The following TTN variants were observed in gnomAD, a reference collection of about 807,000 sequenced individuals.
The protein encoded by TTN is titin.
In TTN, 1,525 loss-of-function variants were observed where a neutral mutation model predicts 3,223.0. The observed-to-expected ratio is 0.47, with a 90% CI of 0.45 to 0.49. TTN has a LOEUF of 0.49. Among genes scored for constraint, TTN ranks in the 20% least tolerant of loss-of-function variants. The pLI, the probability that TTN is intolerant of heterozygous loss-of-function variation, is 0.00. For synonymous variants in TTN, 14,094 were observed against 15,161.0 expected (o/e 0.93, Z 5.17); for missense variants, 40,786 against 43,424.0 (o/e 0.94, Z 5.40).
At position 178,614,751 on chromosome 2, in the gene TTN, C is replaced by T; in HGVS notation, c.48763G>A (p.Ala16255Thr). 1 of 1,604,934 alleles carries T rather than the reference C, an allele frequency of 6.2e-7. No individual in the cohort carries two copies. Among genetic ancestry groups the T allele is most frequent in the Middle Eastern group, 1.7e-4 (1 of 6,006 alleles). The change falls in exon 261 of 363, where the codon GCC becomes ACC. Residue 16255 changes from alanine (A) to threonine (T), a missense_variant and splice_region_variant. Physicochemically the swap from Ala to Thr is moderately conservative, Grantham distance 58. Coordinates refer to ENST00000589042, the MANE Select transcript of TTN (RefSeq NM_001267550.2). ...EEIQAVDTQE[A>T]PEIFLDVKLL... ...TTCACATCGAGGAAGATTTCTGGGG[C>T]CTCTGAATTGGAAAAGATTATTTAT...
rs757611872 is a variant in TTN at position 178,667,249 on chromosome 2, A to G, written c.35784T>C (p.His11928=). 1.2e-6 allele frequency: 2 copies of G among 1,601,736 alleles called. No individual in the cohort carries two copies. The highest frequency in any genetic ancestry group is 3.4e-5 in the Admixed American group (2 of 58,858). Reference sequence around the variant, plus strand: ...AGAGAATTATACCTTCAGTTGGAGGATGTTCTGGAATTTCAGGAATAGCCT... The same window carrying G: ...AGAGAATTATACCTTCAGTTGGAGGGTGTTCTGGAATTTCAGGAATAGCCT... ...PPEAIPEIPE[H]PPTEEFEVFK... The change falls in exon 162 of 363, where the codon CAT becomes CAC. Residue 11928 remains histidine (H), a synonymous_variant. Transcript: ENST00000589042.
chr2:178,578,898 C>G lies in TTN; in HGVS notation c.68132G>C (p.Gly22711Ala). 6.2e-7 allele frequency: 1 copy of G among 1,613,296 alleles called. No homozygotes were observed. The highest frequency in any genetic ancestry group is 8.5e-7 in the Non-Finnish European group (1 of 1,179,470). The change falls in exon 320 of 363, where the codon GGC (glycine) becomes GCC (alanine). Residue 22711 changes from glycine (G) to alanine (A), a missense_variant. Physicochemically the swap from Gly to Ala is moderately conservative, Grantham distance 60 (BLOSUM62 0). Transcript: ENST00000589042. ...TTFRVTRLHE[G>A]MEYTFRVSAE... ...ACTGACCCTGAAGGTATATTCCATG[C>G]CCTCATGAAGTCTGGTTACTCTAAA...
Position 178,720,099 on chromosome 2 carries a change from T to C in TTN, c.23543A>G (p.Asp7848Gly). 1 of 1,613,790 alleles carries C rather than the reference T, an allele frequency of 6.2e-7. No individual in the cohort carries two copies. Among genetic ancestry groups the C allele is most frequent in the African/African-American group, 1.3e-5 (1 of 75,042 alleles). ...CCCCAGCTGGAGGGTTGCAATGTTA[T>C]CAATGAATGAAATCCTGGTATTTTC... ...ESENTRISFIDNIATLQLGSP... is the reference protein window; with the variant it reads ...ESENTRISFIGNIATLQLGSP... Residue 7848 changes from aspartate (D) to glycine (G), a missense_variant, in exon 81 of 363, where the codon GAT (aspartate) becomes GGT (glycine). Physicochemically the swap from Asp to Gly is moderately conservative, Grantham distance 94 (BLOSUM62 -1). Transcript: ENST00000589042.
At chr2:178,664,600 A>T in intron 167 of TTN, 54 bp downstream of exon 167, 2 of 1,606,646 alleles carry the variant, frequency 1.2e-6, no homozygotes, top group Non-Finnish European at 1.7e-6. Flanking sequence ...CAGGAAAAAC[A>T]TTTATACAAG....
intron 125 of TTN, 126 bp downstream of exon 125, chr2:178,688,926 GT>G (rs773740981): frequency 2.9e-5 from 35 of 1,200,470 alleles, no homozygotes; most frequent in Non-Finnish European, 3.9e-5. Flanking sequence ...AAACACAAAA[GT>G]TTCACTGCAA....
Position 178,777,962 on chromosome 2 carries a change from G to T in TTN, c.4222C>A (p.Arg1408Ser), listed in dbSNP as rs757889400. 1 of 1,613,778 alleles carries T rather than the reference G, an allele frequency of 6.2e-7. No homozygotes were observed. The highest frequency in any genetic ancestry group is 1.7e-5 in the Admixed American group (1 of 59,976). ...CGTATAGGAGACCTGCTCACTGAAC[G>T]TGGAGAGAGAGATCTGCAAAACAAA... Reference protein sequence around the residue: ...PVSRIRSLSPRSVSRSPIRMS... With the variant: ...PVSRIRSLSPSSVSRSPIRMS... The change falls in exon 25 of 363, where the codon CGT becomes AGT. Residue 1408 changes from arginine (R) to serine (S), a missense_variant. Physicochemically the swap from Arg to Ser is moderately radical, Grantham distance 110. Transcript: ENST00000589042.
In TTN at chr2:178,722,108, T is replaced by G. The variant is rs146608139; in HGVS notation, c.22555A>C (p.Ile7519Leu). 7 of 1,576,592 alleles carry G rather than the reference T, an allele frequency of 4.4e-6. No homozygotes were observed. The African/African-American group carries it at 9.5e-5, about 21-fold the overall frequency. The change falls in exon 78 of 363, where the codon ATC (isoleucine) becomes CTC (leucine). Residue 7519 changes from isoleucine to leucine, a missense_variant. Coordinates refer to ENST00000589042, the MANE Select transcript of TTN (RefSeq NM_001267550.2). The part of the protein sequence containing the change: ...REPKKSPFFD[I>L]KPVSIDVIAG... ...ATAACATCTATAGATACAGGCTTGA[T>G]GTCAAAGAAGGGAGATTTCTTGGGT...
rs1271655282 is a variant in TTN, at chr2:178,592,368, A to G, written c.59626+11T>C. On this transcript the variant is annotated intron_variant, in intron 301 of 362. Coordinates refer to ENST00000589042, the MANE Select transcript of TTN (RefSeq NM_001267550.2). ...ATTTATTTTTAATGGCCTAAGTAGT[A>G]AAATTCTTACCTAATACAAGTACTT... The G allele has an allele frequency of 1.2e-6, 2 of 1,608,048 alleles. No homozygotes were observed. Among genetic ancestry groups the G allele is most frequent in the African/African-American group, 1.3e-5 (1 of 74,490 alleles).
intron 278 of TTN, among the ~76,000 whole-genome samples, chr2:178,606,281 G>A (rs1021010323): frequency 6.6e-6 from 1 of 152,082 alleles, no homozygotes; most frequent in South Asian, 2.1e-4. Flanking sequence ...GCAACCAGAA[G>A]GAGTGGAAGC....
Position 178,556,928 on chromosome 2 carries a change from C to T in TTN, c.88226G>A (p.Arg29409His), listed in dbSNP as rs753223608. The T allele has an allele frequency of 1.6e-5, 26 of 1,613,690 alleles. No homozygotes were observed. The highest frequency in any genetic ancestry group is 2.2e-5 in the East Asian group (1 of 44,808). ...ACCAACAGCATTCCTAGCAAAGACA[C>T]GGAATTCATACTGGGAATTCTGAGT... Reference protein sequence around the residue: ...GLTQNSQYEFRVFARNAVGSI... With the variant: ...GLTQNSQYEFHVFARNAVGSI... Residue 29409 changes from arginine (R) to histidine (H), a missense_variant, in exon 330 of 363, where the codon CGT becomes CAT. Coordinates refer to ENST00000589042, the MANE Select transcript of TTN (RefSeq NM_001267550.2).
intron 13 of TTN, among the ~76,000 whole-genome samples, chr2:178,786,925 T>A (rs1177455366): frequency 6.6e-6 from 1 of 152,216 alleles, no homozygotes; most frequent in Non-Finnish European, 1.5e-5. Context: ...CTGAGTCTGA[T>A]GAACATTAAT....
rs572302051 is a variant in TTN, at chr2:178,679,559, A to G, written c.33664+40T>C. ...AAGAAAGTTAACTATTTCTAGGCAG[A>G]TGAAGTCTCTTAGATACCCGTCAAT... On this transcript the variant is annotated intron_variant, in intron 141 of 362. Coordinates refer to ENST00000589042, the MANE Select transcript of TTN (RefSeq NM_001267550.2). 2.8e-4 allele frequency: 443 copies of G among 1,595,682 alleles called. 9 individuals are homozygous for G. In the South Asian group the frequency reaches 4.8e-3, roughly 17 times the overall value.
intron 250 of TTN, 99 bp from the exon 251 acceptor site, chr2:178,618,952 C>T (rs1470148304): frequency 3.4e-6 from 5 of 1,459,944 alleles, no homozygotes; most frequent in Non-Finnish European, 3.6e-6. Flanking sequence ...GTTACATAAC[C>T]TTGGAAGTAA....
At chr2:178,581,474 A>G in intron 316 of TTN, 25 bp downstream of exon 316, 1 of 1,550,710 alleles carries the variant, frequency 6.4e-7, no homozygotes, top group Admixed American at 1.8e-5. Flanking sequence ...GAAAAGCCTT[A>G]TGTACTCCCC....
chr2:178,561,484 G>C lies in TTN; in HGVS notation c.84648C>G (p.Val28216=), dbSNP rs759615710. Residue 28216 remains valine (V), a synonymous_variant, in exon 326 of 363, where the codon GTC becomes GTG. Transcript: ENST00000589042. ...ACATCAGTCCTTCATCAAGGCCGGA[G>C]ACTTTCATTTGAGTATCAGCAATGA... The part of the protein sequence containing the change: ...KILIADTQMK[V]SGLDEGLMYE... The C allele has an allele frequency of 1.2e-6, 2 of 1,613,768 alleles. No homozygotes were observed. Among genetic ancestry groups the C allele is most frequent in the South Asian group, 2.2e-5 (2 of 91,076 alleles).
Position 178,591,440 on chromosome 2 carries a change from T to C in TTN, c.60285A>G (p.Thr20095=). Residue 20095 remains threonine, a synonymous_variant, in exon 304 of 363, where the codon ACA becomes ACG. Coordinates refer to ENST00000589042, the MANE Select transcript of TTN (RefSeq NM_001267550.2). ...IEGLVVKAGT[T]VRFPAIIRGV... is the part of the protein sequence containing the mutation. ...CTCTTATAATAGCAGGGAATCTGAC[T>C]GTGGTTCCAGCCTTTACCACAAGAC... is the stretch of plus-strand genomic sequence containing the variant. The C allele has an allele frequency of 1.9e-6, 3 of 1,604,120 alleles. No individual in the cohort carries two copies. The highest frequency in any genetic ancestry group is 2.6e-6 in the Non-Finnish European group (3 of 1,175,536).
rs373041862 is a variant in TTN at position 178,544,352 on chromosome 2, C to T, written c.95877G>A (p.Val31959=). ...TATTTCTTATTGTGGCATTGGTATGCACTCGGTACCACTGATCAGTGTCCT... is the reference window on the plus strand; with the variant it reads ...TATTTCTTATTGTGGCATTGGTATGTACTCGGTACCACTGATCAGTGTCCT... ...QEKDTDQWYR[V]HTNATIRNTE... is the part of the protein sequence containing the mutation. Residue 31959 remains valine, a synonymous_variant, in exon 345 of 363, where the codon GTG becomes GTA. Transcript: ENST00000589042. 17 of 1,613,640 alleles carry T rather than the reference C, an allele frequency of 1.1e-5. No homozygotes were observed. Among genetic ancestry groups the T allele is most frequent in the Admixed American group, 1.7e-5 (1 of 59,984 alleles).
rs372188921 is a variant in TTN at position 178,568,112 on chromosome 2, A to G, written c.78020T>C (p.Met26007Thr). ...PFATAISKDSMVIQWHEPVNN... is the reference protein window; with the variant it reads ...PFATAISKDSTVIQWHEPVNN... Reference sequence around the variant, plus strand: ...GACTGGTTCATGCCACTGTATGACCATGGAGTCTTTGGAAATGGCTGTGGC... The same window carrying G: ...GACTGGTTCATGCCACTGTATGACCGTGGAGTCTTTGGAAATGGCTGTGGC... The change falls in exon 326 of 363, where the codon ATG (methionine) becomes ACG (threonine). Residue 26007 changes from methionine to threonine, a missense_variant. Met to Thr is a moderately conservative substitution (Grantham distance 81). Transcript: ENST00000589042. The G allele has an allele frequency of 2.4e-5, 39 of 1,613,308 alleles. No individual in the cohort carries two copies. The highest frequency in any genetic ancestry group is 3.1e-5 in the Non-Finnish European group (37 of 1,179,592).
rs1344131184 is a variant in TTN, at chr2:178,732,904, T to C, written c.16272A>G (p.Ala5424=). ...LEIIRVDMND[A]GNFTCRATNS... ...TTGTGGCTCGACAAGTGAAATTCCC[T>C]GCATCATTCATGTCTACTCTGATGA... The change falls in exon 55 of 363, where the codon GCA becomes GCG. Residue 5424 remains alanine, a synonymous_variant. Coordinates refer to ENST00000589042, the MANE Select transcript of TTN (RefSeq NM_001267550.2). 5 of 1,613,528 alleles carry C rather than the reference T, an allele frequency of 3.1e-6. No individual in the cohort carries two copies. The highest frequency in any genetic ancestry group is 3.3e-5 in the Admixed American group (2 of 59,980).
Sources: allele counts gnomAD v4.1 joint callset (sites outside exome capture counted in the v4.1 genomes callset), GRCh38; gene constraint gnomAD v4.1.1; transcripts MANE v1.5; gene names NCBI Gene and HGNC (gene_info 2026-07-23, HGNC 2026-07-21).